CACNA2D3: variants seen among roughly 807,000 people sequenced by gnomAD.
CACNA2D3 encodes the protein calcium voltage-gated channel auxiliary subunit alpha2delta 3.
CACNA2D3 carries 60 observed loss-of-function variants against 160.6 expected under a neutral mutation model. The observed-to-expected ratio is 0.37, with a 90% CI of 0.30 to 0.46. CACNA2D3 has a LOEUF of 0.46. CACNA2D3 is among the 20% of genes least tolerant of loss of function. The pLI, the probability that CACNA2D3 is intolerant of heterozygous loss-of-function variation, is 1.00. For synonymous variants in CACNA2D3, 558 were observed against 492.9 expected, an observed-to-expected ratio of 1.13 and a Z score of -1.75; for missense variants, 1,205 against 1,365.0, an observed-to-expected ratio of 0.88 and a Z score of 1.85.
At chr3:54,921,329 C>G (rs758358972) in intron 27 of CACNA2D3, among the ~76,000 whole-genome samples, 7 of 152,164 alleles carry the variant, frequency 4.6e-5, no homozygotes, top group Non-Finnish European at 8.8e-5. Flanking sequence ...TTAAAATTCA[C>G]TTCCCAAGAT....
rs1329346824 is a variant in CACNA2D3 at position 54,968,514 on chromosome 3, A to C, written c.2511+3A>C. The stretch of plus-strand genomic sequence containing the variant: ...AGTTCTGGACTGCCAGCAGACAGGT[A>C]AGTTATAATCAGCATCTTGAAGCAT... On this transcript the variant is annotated splice_donor_region_variant and intron_variant, in intron 28 of 37. Transcript: ENST00000474759. 6.2e-7 allele frequency: 1 copy of C among 1,606,534 alleles called. No homozygotes were observed. Among genetic ancestry groups the C allele is most frequent in the African/African-American group, 1.3e-5 (1 of 74,828 alleles).
chr3:54,149,877 G>GTGTCTCTCTC lies in CACNA2D3; in HGVS notation c.204+26284_204+26285insGTCTCTCTCT, dbSNP rs757018890. On this transcript the variant is annotated intron_variant, in intron 2 of 37. Coordinates refer to ENST00000474759, the MANE Select transcript of CACNA2D3 (RefSeq NM_018398.3). The stretch of plus-strand genomic sequence containing the variant: ...TAGTAACAGAGAGGGCTGTCCTGAA[G>GTGTCTCTCTC]TATCTGTCTCTCTCTCTCTCTCTCT... Among the ~76,000 whole-genome samples, 268 of 105,852 alleles carry GTGTCTCTCTC rather than the reference G, an allele frequency of 2.5e-3. 33 individuals are homozygous for GTGTCTCTCTC. Among genetic ancestry groups the GTGTCTCTCTC allele is most frequent in the African/African-American group, 4.1e-3 (112 of 27,134 alleles). The allele number at this position is 105,852 out of a possible 152,430, so 69.4% of individuals were successfully genotyped here.
At chr3:54,259,750 ATTAAACGTCCAT>A (rs1702369599) in intron 2 of CACNA2D3, among the ~76,000 whole-genome samples, 2 of 152,222 alleles carry the variant, frequency 1.3e-5, no homozygotes, top group Admixed American at 6.5e-5. Flanking sequence ...AACATACAAA[ATTAAACGTCCAT>A]TTAGTTGAAA....
chr3:54,211,694 A>T (rs1701374885), intron 2 of CACNA2D3, among the ~76,000 whole-genome samples: 1 of 152,060 alleles, frequency 6.6e-6, no homozygotes, highest in African/African-American at 2.4e-5. Flanking sequence ...GTCGACAAGG[A>T]CTCACTACTT....
intron 4 of CACNA2D3, among the ~76,000 whole-genome samples, chr3:54,463,755 CCTT>C (rs1327794915): frequency 2.0e-5 from 3 of 152,184 alleles, no homozygotes; most frequent in Non-Finnish European, 4.4e-5. Flanking sequence ...TCGTCTGAAG[CCTT>C]CTTCTCTGAA....
intron 11 of CACNA2D3, among the ~76,000 whole-genome samples, chr3:54,724,031 C>G (rs192744325): frequency 6.6e-6 from 1 of 152,018 alleles, no homozygotes; most frequent in Admixed American, 6.5e-5. Flanking sequence ...ACCCATCTCA[C>G]GTGCAGACAC....
intron 3 of CACNA2D3, among the ~76,000 whole-genome samples, chr3:54,365,432 G>A (rs913187408): frequency 6.6e-6 from 1 of 152,328 alleles, no homozygotes; most frequent in East Asian, 1.9e-4. Context: ...TGTGGAATGC[G>A]TGATGGAGAT....
intron 26 of CACNA2D3, 66 bp downstream of exon 26, chr3:54,896,936 G>C: frequency 6.2e-7 from 1 of 1,602,370 alleles, no homozygotes; most frequent in Non-Finnish European, 8.5e-7. Flanking sequence ...TTGTGTGCAG[G>C]GTGTTGGGGA....
Position 54,152,241 on chromosome 3 carries a change from C to T in CACNA2D3, c.204+28647C>T, listed in dbSNP as rs1033787843. Reference sequence around the variant, plus strand: ...GTAGTGGTTAATATCCCAGATCATTCTCATCTCAGAAGCGGGGGCATTGTG... The same window carrying T: ...GTAGTGGTTAATATCCCAGATCATTTTCATCTCAGAAGCGGGGGCATTGTG... On this transcript the variant is annotated intron_variant, in intron 2 of 37. Transcript: ENST00000474759. Among the ~76,000 whole-genome samples, 18 of 152,334 alleles carry T rather than the reference C, an allele frequency of 1.2e-4. No individual in the cohort carries two copies. The South Asian group carries it at 3.7e-3, about 32-fold the overall frequency.
intron 27 of CACNA2D3, among the ~76,000 whole-genome samples, chr3:54,942,654 T>G (rs1232071178): frequency 1.3e-5 from 2 of 152,124 alleles, no homozygotes; most frequent in African/African-American, 2.4e-5. Context: ...CTTGGGAGAC[T>G]GAGCCAGAAG....
At chr3:54,559,674 G>T (rs1263560419) in intron 5 of CACNA2D3, among the ~76,000 whole-genome samples, 2 of 152,146 alleles carry the variant, frequency 1.3e-5, no homozygotes, top group Non-Finnish European at 2.9e-5. Context: ...TTGTCGTACA[G>T]ATTATTTCAT....
chr3:54,825,781 C>T (rs1206242342), intron 14 of CACNA2D3, among the ~76,000 whole-genome samples: 2 of 152,144 alleles, frequency 1.3e-5, no homozygotes, highest in African/African-American at 4.8e-5. Flanking sequence ...AATTTAGTTA[C>T]TAATTTGAAA....
intron 35 of CACNA2D3, among the ~76,000 whole-genome samples, chr3:55,062,232 G>A (rs1413854205): frequency 1.3e-5 from 2 of 151,630 alleles, no homozygotes; most frequent in Non-Finnish European, 2.9e-5. Context: ...TGATCCTCCT[G>A]CCTCAGCCTC....
intron 13 of CACNA2D3, among the ~76,000 whole-genome samples, chr3:54,773,403 C>A (rs1428157444): frequency 1.3e-5 from 2 of 152,134 alleles, no homozygotes; most frequent in African/African-American, 2.4e-5. Context: ...AACAAAGAGA[C>A]ACACGTAAAG....
intron 13 of CACNA2D3, among the ~76,000 whole-genome samples, chr3:54,796,886 C>A (rs933118555): frequency 2.0e-5 from 3 of 151,888 alleles, no homozygotes; most frequent in Non-Finnish European, 4.4e-5. Flanking sequence ...AGGGCTGCCA[C>A]AGAGCTCCGT....
intron 27 of CACNA2D3, chr3:54,918,605 T>TCCCACA (rs764372613): frequency 6.2e-7 from 1 of 1,614,080 alleles, no homozygotes; most frequent in African/African-American, 1.3e-5. Context: ...AGACACACAA[T>TCCCACA]CCCACACACA....
intron 9 of CACNA2D3, among the ~76,000 whole-genome samples, chr3:54,618,375 G>A (rs199813050): frequency 2.2e-3 from 252 of 115,430 alleles, no homozygotes; most frequent in South Asian, 4.8e-3. Context: ...ATATATATAT[G>A]CACACACACA....
intron 2 of CACNA2D3, among the ~76,000 whole-genome samples, chr3:54,249,208 A>G (rs1202864494): frequency 6.6e-6 from 1 of 152,214 alleles, no homozygotes; most frequent in Non-Finnish European, 1.5e-5. Context: ...GAGATTAAGC[A>G]TGGTTTACAG....
chr3:54,992,780 G>A (rs959174355), intron 31 of CACNA2D3, among the ~76,000 whole-genome samples: 62 of 137,274 alleles, frequency 4.5e-4, no homozygotes, highest in African/African-American at 7.3e-4. Flanking sequence ...TGAACAACAA[G>A]AAAAAAAAAA....
Sources: gnomAD v4.1 joint callset for allele counts (sites outside exome capture counted in the v4.1 genomes callset) on GRCh38, gnomAD v4.1.1 for gene constraint, MANE v1.5 for transcripts, NCBI Gene and HGNC (gene_info 2026-07-23, HGNC 2026-07-21) for gene names.